Variants in BTBD9 observed in about 807,000 individuals in gnomAD.
The protein encoded by BTBD9 is BTB domain containing 9.
A neutral mutation model predicts 64.3 loss-of-function variants in BTBD9; 49 were observed. That is an observed-to-expected ratio of 0.76 (90% CI 0.61 to 0.97). BTBD9 has a LOEUF of 0.97. BTBD9 is among the 50% of genes least tolerant of loss of function. BTBD9 has a pLI of 0.00. For synonymous variants in BTBD9, 260 were observed against 274.7 expected (o/e 0.95, Z 0.53); for missense variants, 598 against 762.1 (o/e 0.78, Z 2.53).
rs1220870497 is a variant in BTBD9, at chr6:38,171,590, G to C, written c.*3395C>G. The C allele has an allele frequency of 7.1e-6, 1 of 140,364 alleles. No homozygotes were observed. Among genetic ancestry groups the C allele is most frequent in the Non-Finnish European group, 1.5e-5 (1 of 66,272 alleles). The allele number at this position is 140,364 out of a possible 1,614,324, so 8.7% of individuals were successfully genotyped here. A position where few individuals can be genotyped will look rare whatever the true frequency, so the allele number is the denominator to read the frequency against. The stretch of plus-strand genomic sequence containing the variant: ...TGTGTGTGTGTGTGTGTGTGTGTGT[G>C]TGTGTGTGTGTGTGAGAGGGAGAGA... On this transcript the variant is annotated 3_prime_UTR_variant, in exon 11 of 11. Transcript: ENST00000481247.
chr6:38,316,080 T>C (rs1029243641), intron 7 of BTBD9, among the ~76,000 whole-genome samples: 6 of 152,252 alleles, frequency 3.9e-5, no homozygotes, highest in African/African-American at 1.2e-4. Context: ...TCTCTTTTTA[T>C]AGATTTTGTC....
intron 10 of BTBD9, among the ~76,000 whole-genome samples, chr6:38,191,345 C>T (rs994790384): frequency 2.6e-5 from 4 of 152,146 alleles, no homozygotes; most frequent in African/African-American, 4.8e-5. Flanking sequence ...ATTTTAATTC[C>T]ATAAAGACAA....
intron 6 of BTBD9, among the ~76,000 whole-genome samples, chr6:38,383,966 G>A (rs1334602354): frequency 6.6e-6 from 1 of 152,058 alleles, no homozygotes; most frequent in East Asian, 1.9e-4. Flanking sequence ...GTATTGGATA[G>A]CTGACAAGCT....
At chr6:38,419,795 G>A (rs1031802941) in intron 6 of BTBD9, among the ~76,000 whole-genome samples, 15 of 152,068 alleles carry the variant, frequency 9.9e-5, no homozygotes, top group African/African-American at 3.1e-4. Flanking sequence ...GCTTGAACTC[G>A]GGAGATAGAG....
chr6:38,241,815 T>C (rs1764002339), intron 9 of BTBD9, among the ~76,000 whole-genome samples: 1 of 152,174 alleles, frequency 6.6e-6, no homozygotes, highest in Non-Finnish European at 1.5e-5. Flanking sequence ...CATGCAAGTC[T>C]CTTTTCGTGG....
intron 6 of BTBD9, among the ~76,000 whole-genome samples, chr6:38,472,767 T>C (rs1770707811): frequency 6.6e-6 from 1 of 152,144 alleles, no homozygotes; most frequent in Non-Finnish European, 1.5e-5. Flanking sequence ...AGGTAGGCCT[T>C]TCTAAGATCT....
chr6:38,266,234 G>C (rs1022379863), intron 8 of BTBD9, among the ~76,000 whole-genome samples: 2 of 151,408 alleles, frequency 1.3e-5, no homozygotes, highest in African/African-American at 4.9e-5. Context: ...AATAAATTTT[G>C]CCCCAGGCTT....
At chr6:38,485,438 A>G (rs140794759) in intron 6 of BTBD9, among the ~76,000 whole-genome samples, 1 of 152,338 alleles carries the variant, frequency 6.6e-6, no homozygotes, top group Non-Finnish European at 1.5e-5. Flanking sequence ...TTTCGTAAAT[A>G]AGACTGGAAA....
intron 6 of BTBD9, among the ~76,000 whole-genome samples, chr6:38,417,802 A>AGAGAGAGAGAGAGAGAGAGAG (rs55963730): frequency 4.9e-5 from 5 of 102,428 alleles, no homozygotes; most frequent in African/African-American, 1.4e-4. Flanking sequence ...GAGAGAGAGA[A>AGAGAGAGAGAGAGAGAGAGAG]AAAAAATATT....
chr6:38,401,685 G>T (rs1178675506), intron 6 of BTBD9, among the ~76,000 whole-genome samples: 1 of 152,182 alleles, frequency 6.6e-6, no homozygotes, highest in African/African-American at 2.4e-5. Flanking sequence ...TTCACAAAAA[G>T]GCAGTATGTA....
At chr6:38,256,955 G>A (rs1284078234) in intron 8 of BTBD9, among the ~76,000 whole-genome samples, 1 of 152,020 alleles carries the variant, frequency 6.6e-6, no homozygotes. Context: ...GATCAGTGGA[G>A]TAATCACTTG....
At chr6:38,277,967 C>A (rs1761345377) in intron 8 of BTBD9, among the ~76,000 whole-genome samples, 1 of 152,186 alleles carries the variant, frequency 6.6e-6, no homozygotes, top group Non-Finnish European at 1.5e-5. Flanking sequence ...AGTTTCTTAG[C>A]CAACCTTGCT....
chr6:38,522,366 C>CACAACA (rs1773309538), intron 6 of BTBD9, among the ~76,000 whole-genome samples: 1 of 152,118 alleles, frequency 6.6e-6, no homozygotes, highest in Non-Finnish European at 1.5e-5. Context: ...ATTAAAGTCC[C>CACAACA]TATACTCTAC....
intron 6 of BTBD9, among the ~76,000 whole-genome samples, chr6:38,420,855 A>T (rs1233786026): frequency 6.6e-6 from 1 of 151,968 alleles, no homozygotes; most frequent in Non-Finnish European, 1.5e-5. Context: ...ACTCCGTCTC[A>T]AATAATAATA....
At chr6:38,435,659 TTCTC>T (rs1236282635) in intron 6 of BTBD9, among the ~76,000 whole-genome samples, 1 of 68,840 alleles carries the variant, frequency 1.5e-5, no homozygotes, top group Non-Finnish European at 2.7e-5. Context: ...CTTCCTTCCT[TTCTC>T]TCTCTCTCTC....
At chr6:38,338,608 G>C (rs1189083354) in intron 7 of BTBD9, among the ~76,000 whole-genome samples, 1 of 152,108 alleles carries the variant, frequency 6.6e-6, no homozygotes, top group African/African-American at 2.4e-5. Flanking sequence ...CTCTCAAGCA[G>C]AGAGGTAGAA....
At chr6:38,176,492 C>T (rs1004744602) in intron 10 of BTBD9, among the ~76,000 whole-genome samples, 3 of 152,308 alleles carry the variant, frequency 2.0e-5, no homozygotes, top group South Asian at 2.1e-4. Context: ...GGGGCTCAGG[C>T]ACGGTCCTCG....
chr6:38,420,988 T>G (rs1767877828), intron 6 of BTBD9, among the ~76,000 whole-genome samples: 1 of 152,142 alleles, frequency 6.6e-6, no homozygotes, highest in African/African-American at 2.4e-5. Flanking sequence ...GTAAAAAAAG[T>G]TACAGTGATA....
At position 38,597,975 on chromosome 6, in the gene BTBD9, G is replaced by T; in HGVS notation, c.120C>A (p.Phe40Leu). The change falls in exon 2 of 11, where the codon TTC becomes TTA. Residue 40 changes from phenylalanine to leucine, a missense_variant. Phe to Leu is a conservative substitution (Grantham distance 22). Transcript: ENST00000481247. The part of the protein sequence containing the change: ...LIGEEYGDVT[F>L]VVEKKRFPAH... ...CAGGAAAACGTTTCTTTTCCACCACGAATGTGACGTCGCCATATTCTTCCC... is the reference window on the plus strand; with the variant it reads ...CAGGAAAACGTTTCTTTTCCACCACTAATGTGACGTCGCCATATTCTTCCC... The T allele has an allele frequency of 6.2e-7, 1 of 1,613,964 alleles. No individual in the cohort carries two copies. Among genetic ancestry groups the T allele is most frequent in the Non-Finnish European group, 8.5e-7 (1 of 1,179,888 alleles).
Sources: gnomAD v4.1 joint callset for allele counts (sites outside exome capture counted in the v4.1 genomes callset) on GRCh38, gnomAD v4.1.1 for gene constraint, MANE v1.5 for transcripts, NCBI Gene and HGNC (gene_info 2026-07-23, HGNC 2026-07-21) for gene names.